Variants in GPR158 observed in about 807,000 individuals in gnomAD.
GPR158 encodes the protein G protein-coupled receptor 158.
Under a neutral mutation model 78.2 loss-of-function variants are expected in GPR158, and 30 were observed. That is an observed-to-expected ratio of 0.38 (90% CI 0.29 to 0.52). GPR158 has a LOEUF of 0.52. Among genes scored for constraint, GPR158 ranks in the 20% least tolerant of loss-of-function variants. GPR158 has a pLI of 0.83. For synonymous variants in GPR158, 581 were observed against 591.1 expected, an observed-to-expected ratio of 0.98 and a Z score of 0.25; for missense variants, 1,463 against 1,523.5, an observed-to-expected ratio of 0.96 and a Z score of 0.66.
chr10:25,421,574 T>C (rs1379040324), intron 4 of GPR158, among the ~76,000 whole-genome samples: 1 of 152,154 alleles, frequency 6.6e-6, no homozygotes, highest in African/African-American at 2.4e-5. Flanking sequence ...AGGATGATGT[T>C]ATTTACTTCT....
chr10:25,241,306 T>TTCTC (rs1853617536), intron 2 of GPR158, among the ~76,000 whole-genome samples: 3 of 100,740 alleles, frequency 3.0e-5, no homozygotes, highest in Non-Finnish European at 5.7e-5. Context: ...TTTCTTTTCT[T>TTCTC]TTCTTTTCTC....
intron 5 of GPR158, among the ~76,000 whole-genome samples, chr10:25,515,205 AT>A (rs1036418260): frequency 5.8e-4 from 88 of 151,928 alleles, no homozygotes; most frequent in African/African-American, 2.1e-3. Context: ...TTTTTAAAAA[AT>A]TTTTTGTCTT....
chr10:25,246,174 G>T (rs1367921504), intron 2 of GPR158, among the ~76,000 whole-genome samples: 1 of 152,156 alleles, frequency 6.6e-6, no homozygotes, highest in East Asian at 1.9e-4. Flanking sequence ...CATTTACAGT[G>T]ATTTTTAAAA....
At chr10:25,316,777 T>C (rs960534862) in intron 2 of GPR158, among the ~76,000 whole-genome samples, 1 of 151,932 alleles carries the variant, frequency 6.6e-6, no homozygotes, top group African/African-American at 2.4e-5. Flanking sequence ...TGCTTGTGAG[T>C]TCACTCAGCA....
At chr10:25,181,444 T>C (rs535713044) in intron 1 of GPR158, among the ~76,000 whole-genome samples, 1 of 152,228 alleles carries the variant, frequency 6.6e-6, no homozygotes, top group Non-Finnish European at 1.5e-5. Flanking sequence ...ATTTGACTTA[T>C]AGTAATTTGT....
At chr10:25,258,073 A>C (rs185649886) in intron 2 of GPR158, among the ~76,000 whole-genome samples, 14 of 152,298 alleles carry the variant, frequency 9.2e-5, no homozygotes, top group Admixed American at 9.2e-4. Context: ...CTAGGGAACT[A>C]ATTTTATGAG....
chr10:25,596,867 C>A, intron 10 of GPR158, 78 bp downstream of exon 10: 1 of 1,240,604 alleles, frequency 8.1e-7, no homozygotes, highest in Non-Finnish European at 1.2e-6. Context: ...GGTTGGGGTG[C>A]GTGTGTGCAT....
intron 4 of GPR158, among the ~76,000 whole-genome samples, chr10:25,437,943 T>C (rs1835019821): frequency 6.6e-6 from 1 of 152,140 alleles, no homozygotes; most frequent in African/African-American, 2.4e-5. Flanking sequence ...AATAACAGGT[T>C]GAAAATACAG....
intron 3 of GPR158, among the ~76,000 whole-genome samples, chr10:25,406,752 T>G (rs949989565): frequency 6.6e-6 from 1 of 152,214 alleles, no homozygotes; most frequent in Non-Finnish European, 1.5e-5. Flanking sequence ...TCATTTTCTT[T>G]CCAGTTTACA....
chr10:25,591,065 A>G (rs1445495175), intron 8 of GPR158, among the ~76,000 whole-genome samples: 1 of 152,108 alleles, frequency 6.6e-6, no homozygotes, highest in African/African-American at 2.4e-5. Context: ...CTAAAGAAAA[A>G]AGTAAATAAA....
intron 2 of GPR158, among the ~76,000 whole-genome samples, chr10:25,234,872 A>AT (rs939599294): frequency 1.8e-4 from 27 of 152,178 alleles, no homozygotes; most frequent in African/African-American, 6.0e-4. Context: ...AGTAAGCATC[A>AT]TTTTTTTGTA....
chr10:25,582,841 C>A (rs375806382), intron 7 of GPR158, among the ~76,000 whole-genome samples: 3 of 152,278 alleles, frequency 2.0e-5, no homozygotes, highest in East Asian at 1.9e-4. Flanking sequence ...ATTGAGGGGA[C>A]AAAAATTACT....
chr10:25,502,351 G>T (rs1835953609), intron 5 of GPR158, among the ~76,000 whole-genome samples: 1 of 152,168 alleles, frequency 6.6e-6, no homozygotes, highest in Admixed American at 6.5e-5. Context: ...CATGTGTCAA[G>T]CATTTTACAT....
intron 7 of GPR158, among the ~76,000 whole-genome samples, chr10:25,582,926 A>G (rs932026773): frequency 3.9e-5 from 6 of 152,170 alleles, no homozygotes; most frequent in Non-Finnish European, 8.8e-5. Context: ...AATACAAACA[A>G]TTGCTGCCTG....
chr10:25,412,576 C>T lies in GPR158; in HGVS notation c.1335+103C>T, dbSNP rs532929023. 1.6e-5 allele frequency: 12 copies of T among 740,172 alleles called. No homozygotes were observed. In the Admixed American group the frequency reaches 2.1e-4, roughly 13 times the overall value. The allele number at this position is 740,172 out of a possible 1,614,324, so 45.9% of individuals were successfully genotyped here. A position where few individuals can be genotyped will look rare whatever the true frequency, so the allele number is the denominator to read the frequency against. ...TTCAAGTTGCTTCCCTCCTAAGCAG[C>T]AGTCTTTCTACAATATGATTGGACT... On this transcript the variant is annotated intron_variant, in intron 4 of 10. Transcript: ENST00000376351.
At chr10:25,577,790 T>C (rs770720859) in intron 7 of GPR158, among the ~76,000 whole-genome samples, 1 of 152,160 alleles carries the variant, frequency 6.6e-6, no homozygotes, top group Non-Finnish European at 1.5e-5. Context: ...GGGAAAATGG[T>C]TTTCAGAATC....
rs540843002 is a variant in GPR158 at position 25,602,015 on chromosome 10, G to C, written c.*2741G>C. The C allele has an allele frequency of 6.5e-6, 1 of 152,674 alleles. No individual in the cohort carries two copies. The highest frequency in any genetic ancestry group is 1.9e-4 in the East Asian group (1 of 5,172). The allele number at this position is 152,674 out of a possible 1,614,324, so 9.5% of individuals were successfully genotyped here. On this transcript the variant is annotated 3_prime_UTR_variant, in exon 11 of 11. Coordinates refer to ENST00000376351, the MANE Select transcript of GPR158 (RefSeq NM_020752.3). ...CATGCAAGTTATGACAGGTAGGACT[G>C]AAAAAACACTGCCTTTTGACTTCTA...
intron 2 of GPR158, among the ~76,000 whole-genome samples, chr10:25,307,955 A>G (rs1168436550): frequency 1.3e-5 from 2 of 152,126 alleles, no homozygotes; most frequent in Non-Finnish European, 2.9e-5. Context: ...TTTCTTACAT[A>G]TTGTCAGATT....
rs564937319 is a variant in GPR158, at chr10:25,483,826, A to G, written c.1404+17107A>G. On this transcript the variant is annotated intron_variant, in intron 5 of 10. Coordinates refer to ENST00000376351, the MANE Select transcript of GPR158 (RefSeq NM_020752.3). ...TTTCTTTTTGATGTTTTAAGTTATAATCAGATTTTTTTAATTGTAAATCTT... is the reference window on the plus strand; with the variant it reads ...TTTCTTTTTGATGTTTTAAGTTATAGTCAGATTTTTTTAATTGTAAATCTT... Among the ~76,000 whole-genome samples the G allele has an allele frequency of 2.9e-4, 44 of 152,258 alleles. No homozygotes were observed. In the South Asian group the frequency reaches 9.1e-3, roughly 32 times the overall value.
Sources: allele counts gnomAD v4.1 joint callset (sites outside exome capture counted in the v4.1 genomes callset), GRCh38; gene constraint gnomAD v4.1.1; transcripts MANE v1.5; gene names NCBI Gene and HGNC (gene_info 2026-07-23, HGNC 2026-07-21).